PODXL: variants seen among roughly 807,000 people sequenced by gnomAD.
The protein encoded by PODXL is podocalyxin.
PODXL carries 20 observed loss-of-function variants against 48.9 expected under a neutral mutation model. The ratio of observed to expected loss-of-function variants is 0.41; its 90% CI spans 0.29 to 0.59. PODXL has a LOEUF of 0.59. PODXL is among the 20% of genes least tolerant of loss of function. PODXL has a pLI of 0.31. For missense variants in PODXL, 606 were observed against 675.1 expected (o/e 0.90, Z 1.13); for synonymous variants, 295 against 287.4 (o/e 1.03, Z -0.27).
intron 1 of PODXL, among the ~76,000 whole-genome samples, chr7:131,513,598 G>T (rs139192811): frequency 2.8e-4 from 43 of 152,346 alleles, no homozygotes; most frequent in African/African-American, 9.9e-4. Flanking sequence ...TAAGCAGGTG[G>T]CAGTGCCACC....
intron 1 of PODXL, among the ~76,000 whole-genome samples, chr7:131,521,829 C>T (rs951106905): frequency 3.3e-5 from 5 of 152,260 alleles, no homozygotes; most frequent in South Asian, 2.1e-4. Context: ...AGAAAACAGC[C>T]GGTGCTGAAA....
chr7:131,526,646 T>C (rs887508861), intron 1 of PODXL, among the ~76,000 whole-genome samples: 1 of 151,758 alleles, frequency 6.6e-6, no homozygotes, highest in African/African-American at 2.4e-5. Flanking sequence ...TATGAAGTAG[T>C]GTAAATTGGT....
rs377310580 is a variant in PODXL at position 131,509,492 on chromosome 7, G to A, written c.896C>T (p.Thr299Met). The A allele has an allele frequency of 2.7e-4, 431 of 1,613,690 alleles. No homozygotes were observed. Among genetic ancestry groups the A allele is most frequent in the Middle Eastern group, 2.3e-3 (14 of 6,056 alleles). ...APSSQETVQP[T>M]SPATALRTPT... ...TGTTCTCAATGCCGTTGCCGGGCTCGTGGGCTGCACTGTCTCCTGGGAGGA... is the reference window on the plus strand; with the variant it reads ...TGTTCTCAATGCCGTTGCCGGGCTCATGGGCTGCACTGTCTCCTGGGAGGA... The change falls in exon 4 of 9, where the codon ACG becomes ATG. Residue 299 changes from threonine to methionine, a missense_variant. Physicochemically the swap from Thr to Met is moderately conservative, Grantham distance 81. Coordinates refer to ENST00000378555, the MANE Select transcript of PODXL (RefSeq NM_001018111.3).
intron 1 of PODXL, among the ~76,000 whole-genome samples, chr7:131,546,447 C>T (rs765977630): frequency 5.3e-5 from 8 of 152,042 alleles, no homozygotes; most frequent in Admixed American, 2.0e-4. Flanking sequence ...TGTTTTGGGC[C>T]GGGCGCTGTG....
rs71174956 is a variant in PODXL at position 131,521,337 on chromosome 7, A to ATT, written c.101-9906_101-9905dup. Among the ~76,000 whole-genome samples the ATT allele has an allele frequency of 8.2e-3, 1,195 of 146,480 alleles. 17 individuals are homozygous for ATT. Among genetic ancestry groups the ATT allele is most frequent in the Middle Eastern group, 0.018 (5 of 282 alleles). On this transcript the variant is annotated intron_variant, in intron 1 of 8. Transcript: ENST00000378555. ...AAGTTCGTTAAGAAGATTAAGGTCA[A>ATT]TTTTTTTTTTTTTTGAGACGGAGTC...
In PODXL at chr7:131,506,562, C is replaced by T; in HGVS notation, c.1249+17G>A. The T allele has an allele frequency of 1.2e-6, 2 of 1,613,402 alleles. No homozygotes were observed. The highest frequency in any genetic ancestry group is 2.2e-5 in the East Asian group (1 of 44,862). The stretch of plus-strand genomic sequence containing the variant: ...CCCATGCAGGCCCCAGCCCAGGCCC[C>T]CTTGCCCTCCACTCACTGTGAATAG... On this transcript the variant is annotated intron_variant, in intron 6 of 8. Transcript: ENST00000378555.
At chr7:131,526,926 A>T (rs1798197471) in intron 1 of PODXL, among the ~76,000 whole-genome samples, 1 of 151,746 alleles carries the variant, frequency 6.6e-6, no homozygotes, top group Admixed American at 6.6e-5. Context: ...TTTAGTAGAG[A>T]TGGGGTTTCA....
chr7:131,511,337 A>C lies in PODXL; in HGVS notation c.197T>G (p.Val66Gly). The C allele has an allele frequency of 6.2e-7, 1 of 1,611,532 alleles. No individual in the cohort carries two copies. Among genetic ancestry groups the C allele is most frequent in the Non-Finnish European group, 8.5e-7 (1 of 1,179,618 alleles). Residue 66 changes from valine to glycine, a missense_variant, in exon 2 of 9, where the codon GTC becomes GGC. Transcript: ENST00000378555. Reference sequence around the variant, plus strand: ...GATTTCGTTGGCCTTGGAAGTGGGGACTGTGCTCTGCTGGGCTGTATCTGT... The same window carrying C: ...GATTTCGTTGGCCTTGGAAGTGGGGCCTGTGCTCTGCTGGGCTGTATCTGT... ...MATDTAQQST[V>G]PTSKANEILA...
chr7:131,526,821 C>T (rs1440698117), intron 1 of PODXL, among the ~76,000 whole-genome samples: 13 of 134,050 alleles, frequency 9.7e-5, no homozygotes, highest in Non-Finnish European at 1.8e-4. Context: ...CTATAGCCTC[C>T]GCCTCCTGGG....
At chr7:131,554,413 T>C (rs993881373) in intron 1 of PODXL, among the ~76,000 whole-genome samples, 2 of 152,216 alleles carry the variant, frequency 1.3e-5, no homozygotes, top group African/African-American at 2.4e-5. Flanking sequence ...AGTGCTCAGA[T>C]AGGCCAAGTT....
intron 1 of PODXL, among the ~76,000 whole-genome samples, chr7:131,529,315 C>G (rs530322014): frequency 6.6e-6 from 1 of 152,098 alleles, no homozygotes; most frequent in African/African-American, 2.4e-5. Context: ...CCAGCTCCCC[C>G]GGGGGCCAGG....
intron 1 of PODXL, among the ~76,000 whole-genome samples, chr7:131,515,995 A>C (rs1274935082): frequency 6.6e-6 from 1 of 152,254 alleles, no homozygotes; most frequent in East Asian, 1.9e-4. Flanking sequence ...CTACAAAAAA[A>C]CTTGCAAATA....
Position 131,503,715 on chromosome 7 carries a change from C to T in PODXL, c.*596G>A. 6.4e-6 allele frequency: 1 copy of T among 156,314 alleles called. No individual in the cohort carries two copies. Among genetic ancestry groups the T allele is most frequent in the South Asian group, 2.0e-4 (1 of 5,104 alleles). The allele number at this position is 156,314 out of a possible 1,614,324, so 9.7% of individuals were successfully genotyped here. A position where few individuals can be genotyped will look rare whatever the true frequency, so the allele number is the denominator to read the frequency against. On this transcript the variant is annotated 3_prime_UTR_variant, in exon 9 of 9. Coordinates refer to ENST00000378555, the MANE Select transcript of PODXL (RefSeq NM_001018111.3). ...CACTGAGTGTAGGGAGGGGTAAGAACATAGAGGGTGGGAAGATGGGTACAC... is the reference window on the plus strand; with the variant it reads ...CACTGAGTGTAGGGAGGGGTAAGAATATAGAGGGTGGGAAGATGGGTACAC...
chr7:131,510,342 A>G lies in PODXL; in HGVS notation c.707-11T>C. The G allele has an allele frequency of 4.2e-6, 1 of 235,536 alleles. No homozygotes were observed. The allele number at this position is 235,536 out of a possible 1,614,324, so 14.6% of individuals were successfully genotyped here. ...GAAACACTGTCTCTACTTGAAAAAAAAAAAAAAAAAAAAAAAAAAATTAGC... is the reference window on the plus strand; with the variant it reads ...GAAACACTGTCTCTACTTGAAAAAAGAAAAAAAAAAAAAAAAAAAATTAGC... On this transcript the variant is annotated splice_polypyrimidine_tract_variant and intron_variant, in intron 2 of 8. Coordinates refer to ENST00000378555, the MANE Select transcript of PODXL (RefSeq NM_001018111.3).
chr7:131,505,276 G>A (rs1324148872), intron 8 of PODXL, among the ~76,000 whole-genome samples: 1 of 152,160 alleles, frequency 6.6e-6, no homozygotes, highest in East Asian at 1.9e-4. Context: ...TATCCCTGCT[G>A]TGCAGATGAG....
chr7:131,505,838 TC>T, intron 8 of PODXL, 29 bp downstream of exon 8: 1 of 1,538,794 alleles, frequency 6.5e-7, no homozygotes. Flanking sequence ...CTGGGCTGCT[TC>T]CCCTGTGTGG....
chr7:131,551,791 G>T (rs1019541368), intron 1 of PODXL, among the ~76,000 whole-genome samples: 1 of 152,108 alleles, frequency 6.6e-6, no homozygotes, highest in Non-Finnish European at 1.5e-5. Flanking sequence ...CAGAAAATTA[G>T]CCGGGCGTGG....
At chr7:131,540,313 T>C (rs1266498729) in intron 1 of PODXL, among the ~76,000 whole-genome samples, 1 of 152,100 alleles carries the variant, frequency 6.6e-6, no homozygotes, top group Non-Finnish European at 1.5e-5. Context: ...TCCCAAAGTA[T>C]TGAGATTACA....
chr7:131,505,372 C>T (rs1391251475), intron 8 of PODXL, among the ~76,000 whole-genome samples: 2 of 152,154 alleles, frequency 1.3e-5, no homozygotes, highest in South Asian at 2.1e-4. Context: ...CCAGTCCAGG[C>T]GTGGTGACTC....
Sources: allele counts gnomAD v4.1 joint callset (sites outside exome capture counted in the v4.1 genomes callset), GRCh38; gene constraint gnomAD v4.1.1; transcripts MANE v1.5; gene names NCBI Gene and HGNC (gene_info 2026-07-23, HGNC 2026-07-21).